Variants in MYH11 observed in about 807,000 individuals in gnomAD.
MYH11 encodes the protein myosin-11.
A neutral mutation model predicts 246.6 loss-of-function variants in MYH11; 80 were observed. The observed-to-expected ratio is 0.32, with a 90% CI of 0.27 to 0.39. The LOEUF (loss-of-function observed/expected upper bound fraction) is 0.39. Ranked by LOEUF, MYH11 falls within the 10% of genes least tolerant of loss-of-function variation. The pLI is 1.00. For synonymous variants in MYH11, 1,071 were observed against 1,015.5 expected, an observed-to-expected ratio of 1.05 and a Z score of -1.04; for missense variants, 2,158 against 2,546.8, an observed-to-expected ratio of 0.85 and a Z score of 3.29.
intron 3 of MYH11, among the ~76,000 whole-genome samples, chr16:15,820,911 C>T (rs1180384641): frequency 6.6e-6 from 1 of 152,156 alleles, no homozygotes; most frequent in Non-Finnish European, 1.5e-5. Flanking sequence ...CTGGCTCTCT[C>T]ACCCAGGCTG....
rs1031541338 is a variant in MYH11, at chr16:15,729,404, C to T, written c.3652-2350G>A. ...TTGTGCGGGTCAGTAATGGACATGC[C>T]GTCTGCTGGTGGTCTTAATAACTGC... On this transcript the variant is annotated intron_variant, in intron 27 of 40. Coordinates refer to ENST00000300036, the MANE Select transcript of MYH11 (RefSeq NM_002474.3). Among the ~76,000 whole-genome samples the T allele has an allele frequency of 3.9e-5, 6 of 152,244 alleles. No homozygotes were observed. In the South Asian group the frequency reaches 6.2e-4, roughly 16 times the overall value.
At chr16:15,806,226 G>A (rs181401790) in intron 3 of MYH11, among the ~76,000 whole-genome samples, 2 of 136,902 alleles carry the variant, frequency 1.5e-5, no homozygotes, top group East Asian at 2.4e-4. Context: ...GTGGTGAGCC[G>A]AGACCACATC....
At chr16:15,801,501 A>T (rs188670679) in intron 3 of MYH11, among the ~76,000 whole-genome samples, 240 of 150,648 alleles carry the variant, frequency 1.6e-3, no homozygotes, top group Admixed American at 3.6e-3. Flanking sequence ...ACAAAAAAAA[A>T]TTTTTTTTTA....
At chr16:15,728,349 T>C (rs1334867496) in intron 27 of MYH11, among the ~76,000 whole-genome samples, 1 of 151,558 alleles carries the variant, frequency 6.6e-6, no homozygotes, top group Non-Finnish European at 1.5e-5. Flanking sequence ...TATGCCTCAG[T>C]AATCCTAAAC....
intron 4 of MYH11, among the ~76,000 whole-genome samples, chr16:15,790,539 C>T (rs148222576): frequency 2.0e-5 from 3 of 152,088 alleles, no homozygotes; most frequent in Non-Finnish European, 2.9e-5. Flanking sequence ...GCTCCAGGCT[C>T]GTGGGCGTCT....
At position 15,741,443 on chromosome 16, in the gene MYH11, CTGCCCCTG is replaced by C. The variant is rs1196331373; in HGVS notation, c.2859+12_2859+19del. 41 of 1,605,286 alleles carry C rather than the reference CTGCCCCTG, an allele frequency of 2.6e-5. No homozygotes were observed. Among genetic ancestry groups the C allele is most frequent in the Non-Finnish European group, 3.4e-5 (40 of 1,179,642 alleles). ...CAAGTGATTTGCTACCCACCACGGG[CTGCCCCTG>C]TGACACCTTACCAGCATCTGCTGGG... is the stretch of plus-strand genomic sequence containing the variant. On this transcript the variant is annotated intron_variant, in intron 22 of 40. Coordinates refer to ENST00000300036, the MANE Select transcript of MYH11 (RefSeq NM_002474.3).
At chr16:15,836,883 C>T (rs1395869761) in intron 2 of MYH11, among the ~76,000 whole-genome samples, 1 of 151,924 alleles carries the variant, frequency 6.6e-6, no homozygotes, top group Non-Finnish European at 1.5e-5. Flanking sequence ...CACTACCATG[C>T]CTGGCTAATT....
At chr16:15,799,052 C>T (rs1237565004) in intron 3 of MYH11, among the ~76,000 whole-genome samples, 1 of 152,226 alleles carries the variant, frequency 6.6e-6, no homozygotes, top group Non-Finnish European at 1.5e-5. Flanking sequence ...TTAGCCACTT[C>T]TCCGCTCTGT....
At chr16:15,732,754 G>A (rs749444111) in intron 26 of MYH11, 46 bp from the exon 27 acceptor site, 11 of 1,611,306 alleles carry the variant, frequency 6.8e-6, no homozygotes, top group Middle Eastern at 3.3e-4. Flanking sequence ...GGAGACAGAG[G>A]GTCATCTCAG....
chr16:15,801,686 G>A (rs1247140181), intron 3 of MYH11, among the ~76,000 whole-genome samples: 1 of 150,666 alleles, frequency 6.6e-6, no homozygotes, highest in Non-Finnish European at 1.5e-5. Context: ...GATGGGTGCG[G>A]TGGCTCACAC....
chr16:15,759,918 A>T (rs2041828152), intron 11 of MYH11, among the ~76,000 whole-genome samples, 190 bp from the exon 12 acceptor site: 1 of 152,106 alleles, frequency 6.6e-6, no homozygotes. Flanking sequence ...CCAACAAGGC[A>T]AAAACCCTTC....
intron 2 of MYH11, among the ~76,000 whole-genome samples, chr16:15,836,592 G>A (rs1377093558): frequency 6.6e-6 from 1 of 151,726 alleles, no homozygotes; most frequent in African/African-American, 2.4e-5. Flanking sequence ...TAGAGACGGG[G>A]TTTTACCATG....
At chr16:15,719,950 T>C (rs1034450393) in intron 34 of MYH11, among the ~76,000 whole-genome samples, 1 of 152,160 alleles carries the variant, frequency 6.6e-6, no homozygotes, top group Non-Finnish European at 1.5e-5. Context: ...CTGAGGGCAG[T>C]GGCCAAATAC....
intron 31 of MYH11, 36 bp downstream of exon 31, chr16:15,724,125 C>T (rs765825536): frequency 1.2e-6 from 2 of 1,611,528 alleles, no homozygotes; most frequent in Non-Finnish European, 1.7e-6. Context: ...AACCCAGCGT[C>T]CATGGCCAGA....
At chr16:15,714,862 T>C (rs1244208202) in intron 40 of MYH11, 47 bp downstream of exon 40, 1 of 1,610,104 alleles carries the variant, frequency 6.2e-7, no homozygotes, top group South Asian at 1.1e-5. Flanking sequence ...CCCAGTGCTT[T>C]TCTCTGGCCT....
intron 6 of MYH11, chr16:15,779,171 G>A (rs769392266): frequency 1.2e-5 from 5 of 416,078 alleles, no homozygotes; most frequent in East Asian, 5.3e-5. Flanking sequence ...CTCTGTCAGC[G>A]AGGGCTGGAG....
intron 5 of MYH11, chr16:15,783,664 CTT>C (rs1262078054): frequency 6.6e-6 from 1 of 152,146 alleles, no homozygotes; most frequent in Non-Finnish European, 1.5e-5. Flanking sequence ...AAAGGAATCA[CTT>C]TTGTTCACAT....
chr16:15,791,592 G>T (rs1264860826), intron 4 of MYH11: 1 of 151,894 alleles, frequency 6.6e-6, no homozygotes, highest in Admixed American at 6.6e-5. Flanking sequence ...GTGACCTTAG[G>T]CAAGTCATTT....
intron 3 of MYH11, among the ~76,000 whole-genome samples, chr16:15,800,102 G>A (rs1348164125): frequency 6.6e-6 from 1 of 150,650 alleles, no homozygotes; most frequent in Admixed American, 6.6e-5. Context: ...GTGGGTGGGT[G>A]GATGGGCAGA....
Sources: allele counts gnomAD v4.1 joint callset (sites outside exome capture counted in the v4.1 genomes callset), GRCh38; gene constraint gnomAD v4.1.1; transcripts MANE v1.5; gene names NCBI Gene and HGNC (gene_info 2026-07-23, HGNC 2026-07-21).